AQR: variants seen among roughly 807,000 people sequenced by gnomAD.
AQR encodes the protein RNA helicase aquarius.
A neutral mutation model predicts 180.5 loss-of-function variants in AQR; 61 were observed. The observed-to-expected ratio is 0.34, with a 90% confidence interval of 0.28 to 0.42. AQR has a LOEUF of 0.42. Ranked by LOEUF, AQR falls within the 10% of genes least tolerant of loss-of-function variation. AQR has a pLI of 1.00. For synonymous variants in AQR, 551 were observed against 588.8 expected (o/e 0.94, Z 0.93); for missense variants, 1,281 against 1,798.3 (o/e 0.71, Z 5.20).
chr15:34,949,991 C>T (rs1176939183), intron 4 of AQR, among the ~76,000 whole-genome samples: 1 of 143,938 alleles, frequency 6.9e-6, no homozygotes. Context: ...AAAAAAAAAT[C>T]TTCTGAAACT....
intron 4 of AQR, among the ~76,000 whole-genome samples, chr15:34,948,634 T>C (rs1188865304): frequency 6.6e-6 from 1 of 151,938 alleles, no homozygotes; most frequent in East Asian, 1.9e-4. Context: ...ACCCCATCTC[T>C]ACTAAAAATA....
At chr15:34,871,064 A>T in intron 30 of AQR, 142 bp from the exon 31 acceptor site, 3 of 686,418 alleles carry the variant, frequency 4.4e-6, no homozygotes, top group Non-Finnish European at 7.1e-6. Flanking sequence ...ATAAGTGAGT[A>T]CCTTTCATAA....
chr15:34,899,419 C>CTG (rs1216249818), intron 20 of AQR, among the ~76,000 whole-genome samples: 1 of 152,076 alleles, frequency 6.6e-6, no homozygotes. Context: ...CTCTGTCTCA[C>CTG]CCAGGCTAGA....
chr15:34,947,527 A>ATAT (rs1403654485), intron 5 of AQR, among the ~76,000 whole-genome samples: 2 of 148,442 alleles, frequency 1.3e-5, no homozygotes, highest in African/African-American at 4.9e-5. Context: ...AATAATAATA[A>ATAT]TAATAATAAT....
intron 3 of AQR, among the ~76,000 whole-genome samples, chr15:34,959,957 A>G (rs2140507880): frequency 6.6e-6 from 1 of 152,338 alleles, no homozygotes; most frequent in East Asian, 1.9e-4. Flanking sequence ...CCTGGCCAAC[A>G]TGGTGAAACC....
intron 16 of AQR, among the ~76,000 whole-genome samples, chr15:34,913,789 G>T (rs978354096): frequency 3.9e-5 from 6 of 152,122 alleles, no homozygotes; most frequent in Admixed American, 2.6e-4. Flanking sequence ...CTCCCCTAGG[G>T]TGCAAACAAT....
In AQR at chr15:34,920,960, AAATAATAACAAT is replaced by A. The variant is rs1397816471; in HGVS notation, c.1119-538_1119-527del. On this transcript the variant is annotated intron_variant, in intron 13 of 34. Transcript: ENST00000156471. ...GCGACAAAGCGAGACTCCGTCTCAA[AAATAATAACAAT>A]AATAATAACAATACTAAGACATTGT... 2.6e-5 allele frequency among the ~76,000 whole-genome samples: 4 copies of A among 152,222 alleles called. No individual in the cohort carries two copies. In the East Asian group the frequency reaches 7.7e-4, roughly 29 times the overall value.
At chr15:34,957,723 A>T (rs1474836334) in intron 3 of AQR, among the ~76,000 whole-genome samples, 11 of 88,514 alleles carry the variant, frequency 1.2e-4, no homozygotes, top group South Asian at 5.2e-4. Flanking sequence ...AAAAAAACAT[A>T]AAAATAATAA....
chr15:34,913,160 T>C (rs1408636612), intron 16 of AQR, among the ~76,000 whole-genome samples: 1 of 152,214 alleles, frequency 6.6e-6, no homozygotes, highest in Non-Finnish European at 1.5e-5. Context: ...ATTTCCATCA[T>C]CTTTAAAAAG....
intron 23 of AQR, among the ~76,000 whole-genome samples, chr15:34,891,152 C>A (rs1893140905): frequency 6.6e-6 from 1 of 152,158 alleles, no homozygotes; most frequent in South Asian, 2.1e-4. Flanking sequence ...AATCTGAGCT[C>A]TGAAACTGAA....
intron 3 of AQR, among the ~76,000 whole-genome samples, chr15:34,959,814 A>AC (rs1437015647): frequency 6.6e-6 from 1 of 152,176 alleles, no homozygotes; most frequent in African/African-American, 2.4e-5. Context: ...TACAATGCTC[A>AC]CCTAATTAAT....
At chr15:34,936,219 T>C (rs1465247827) in intron 9 of AQR, among the ~76,000 whole-genome samples, 1 of 152,174 alleles carries the variant, frequency 6.6e-6, no homozygotes. Context: ...CAACAACTCA[T>C]CTGGGCATTC....
At chr15:34,859,924 A>G (rs1595778619) in intron 34 of AQR, 118 bp downstream of exon 34, 1 of 437,828 alleles carries the variant, frequency 2.3e-6, no homozygotes, top group South Asian at 8.5e-5. Context: ...AAATAATAAT[A>G]GCCTGCTTTA....
At chr15:34,960,308 T>C (rs996283575) in intron 3 of AQR, among the ~76,000 whole-genome samples, 77 of 152,126 alleles carry the variant, frequency 5.1e-4, no homozygotes, top group African/African-American at 1.6e-3. Flanking sequence ...GAACCAGGGA[T>C]TGGGGGCAGA....
At chr15:34,949,281 C>A (rs1347044780) in intron 4 of AQR, among the ~76,000 whole-genome samples, 1 of 151,842 alleles carries the variant, frequency 6.6e-6, no homozygotes, top group Admixed American at 6.6e-5. Context: ...CAGGCATGAG[C>A]CACTACACTG....
chr15:34,858,320 C>CAAAAAAAAA (rs57627687), intron 34 of AQR, among the ~76,000 whole-genome samples: 29 of 86,046 alleles, frequency 3.4e-4, no homozygotes, highest in Admixed American at 3.9e-4. Context: ...ACGACAGCAG[C>CAAAAAAAAA]AAAAAAAAAA....
intron 16 of AQR, among the ~76,000 whole-genome samples, chr15:34,911,139 T>C (rs1893493411): frequency 6.6e-6 from 1 of 152,216 alleles, no homozygotes; most frequent in African/African-American, 2.4e-5. Context: ...TCATATCCCA[T>C]TGTGTGTTTT....
intron 15 of AQR, among the ~76,000 whole-genome samples, chr15:34,917,820 T>TAAA (rs35092979): frequency 8.7e-5 from 11 of 125,728 alleles, no homozygotes; most frequent in Middle Eastern, 4.0e-3. Context: ...TTGTCTCTAC[T>TAAA]AAAAAAAAAA....
At position 34,910,145 on chromosome 15, in the gene AQR, A is replaced by C; in HGVS notation, c.1653T>G (p.Asp551Glu). 6.2e-7 allele frequency: 1 copy of C among 1,614,058 alleles called. No individual in the cohort carries two copies. Among genetic ancestry groups the C allele is most frequent in the Non-Finnish European group, 8.5e-7 (1 of 1,179,920 alleles). ...INLNVRDHIK[D>E]EWEGLRKHDV... ...GAAATACAAACTTACCTTCCCATTC[A>C]TCTTTGATGTGATCTCTGACATTGA... is the stretch of plus-strand genomic sequence containing the variant. The change falls in exon 17 of 35, where the codon GAT becomes GAG. Residue 551 changes from aspartate (D) to glutamate (E), a missense_variant. Transcript: ENST00000156471.
Sources: gnomAD v4.1 joint callset for allele counts (sites outside exome capture counted in the v4.1 genomes callset) on GRCh38, gnomAD v4.1.1 for gene constraint, MANE v1.5 for transcripts, NCBI Gene and HGNC (gene_info 2026-07-23, HGNC 2026-07-21) for gene names.